PPP1R14A: variants seen among roughly 807,000 people sequenced by gnomAD.
The protein encoded by PPP1R14A is protein phosphatase 1 regulatory inhibitor subunit 14A.
In PPP1R14A, 9 loss-of-function variants were observed where a neutral mutation model predicts 14.1. That is an observed-to-expected ratio of 0.64 (90% CI 0.38 to 1.11). The LOEUF (loss-of-function observed/expected upper bound fraction) is 1.11, where lower values mean the gene tolerates loss of function less well. Among genes scored for constraint, PPP1R14A ranks in the 50% most tolerant of loss-of-function variants. The pLI, the probability that PPP1R14A is intolerant of heterozygous loss-of-function variation, is 0.01. For synonymous variants in PPP1R14A, 93 were observed against 88.7 expected, an observed-to-expected ratio of 1.05 and a Z score of -0.27; for missense variants, 208 against 200.7, an observed-to-expected ratio of 1.04 and a Z score of -0.22.
rs972639773 is a variant in PPP1R14A at position 38,251,930 on chromosome 19, C to T, written c.315+376G>A. ...TGGGAGGGGTTGGGCCGCTCAGCTT[C>T]AGGGCCTGGGAGGATGGAGGGCCCC... On this transcript the variant is annotated intron_variant, in intron 3 of 3. Coordinates refer to ENST00000301242, the MANE Select transcript of PPP1R14A (RefSeq NM_033256.3). 4 of 377,220 alleles carry T rather than the reference C, an allele frequency of 1.1e-5. No homozygotes were observed. In the East Asian group the frequency reaches 1.9e-4, roughly 18 times the overall value. The allele number at this position is 377,220 out of a possible 1,614,324, so 23.4% of individuals were successfully genotyped here.
In PPP1R14A at chr19:38,252,982, C is replaced by CAGGG; in HGVS notation, c.202-12_202-9dup. 6.2e-7 allele frequency: 1 copy of CAGGG among 1,611,356 alleles called. No homozygotes were observed. Among genetic ancestry groups the CAGGG allele is most frequent in the Non-Finnish European group, 8.5e-7 (1 of 1,177,674 alleles). ...ATCGGGCATGTCTGCCTCCTAGGGC[C>CAGGG]AGGGAGGGAGGGGTGCTTAGGATCC... On this transcript the variant is annotated splice_polypyrimidine_tract_variant and intron_variant, in intron 1 of 3. Transcript: ENST00000301242. The surrounding 1 kb of genome is among the most constrained non-coding windows in gnomAD (Gnocchi z 4.1).
At chr19:38,254,896 C>G (rs779043108) in intron 1 of PPP1R14A, among the ~76,000 whole-genome samples, 4 of 151,846 alleles carry the variant, frequency 2.6e-5, no homozygotes, top group Non-Finnish European at 5.9e-5. Flanking sequence ...CGGGTTCAAG[C>G]GATTCTCCTC....
At chr19:38,254,694 G>A (rs902122105) in intron 1 of PPP1R14A, among the ~76,000 whole-genome samples, 2 of 152,230 alleles carry the variant, frequency 1.3e-5, no homozygotes, top group East Asian at 1.9e-4. Context: ...ACCTGTGTGT[G>A]TCAATACATG....
chr19:38,254,296 C>G (rs867384055), intron 1 of PPP1R14A, among the ~76,000 whole-genome samples: 1 of 151,838 alleles, frequency 6.6e-6, no homozygotes, highest in Non-Finnish European at 1.5e-5. Context: ...AGCGAGGCCC[C>G]ATCTCTTTTT....
In PPP1R14A at chr19:38,252,544, A is replaced by G. The variant is rs1485681890; in HGVS notation, c.283-206T>C. Among the ~76,000 whole-genome samples the G allele has an allele frequency of 1.3e-5, 2 of 151,986 alleles. No individual in the cohort carries two copies. The highest frequency in any genetic ancestry group is 2.9e-5 in the Non-Finnish European group (2 of 68,006). Reference sequence around the variant, plus strand: ...GGCAGGGGTGAGTTACTAGATCCAGAGAGGGCGAGAGGGTCACACAGCACT... The same window carrying G: ...GGCAGGGGTGAGTTACTAGATCCAGGGAGGGCGAGAGGGTCACACAGCACT... On this transcript the variant is annotated intron_variant, in intron 2 of 3. Coordinates refer to ENST00000301242, the MANE Select transcript of PPP1R14A (RefSeq NM_033256.3). The surrounding 1 kb of genome is among the most constrained non-coding windows in gnomAD (Gnocchi z 4.1).
Position 38,256,043 on chromosome 19 carries a change from G to T in PPP1R14A, c.201+96C>A. 1 of 1,144,038 alleles carries T rather than the reference G, an allele frequency of 8.7e-7. No homozygotes were observed. The highest frequency in any genetic ancestry group is 1.2e-6 in the Non-Finnish European group (1 of 828,646). 70.9% of individuals were successfully genotyped at this position (1,144,038 alleles called of 1,614,324 possible). A position where few individuals can be genotyped will look rare whatever the true frequency, so the allele number is the denominator to read the frequency against. ...CTCTTGTGCAGACCAGGCTGGCCGT[G>T]CACCAGCGAGTGTGCACCGAGACCC... On this transcript the variant is annotated intron_variant, in intron 1 of 3. Transcript: ENST00000301242. This position sits in a 1 kb window ranked among gnomAD's most constrained non-coding sequence, Gnocchi z 5.7.
At position 38,256,031 on chromosome 19, in the gene PPP1R14A, C is replaced by G. The variant is rs1968243960; in HGVS notation, c.201+108G>C. 3 of 1,042,412 alleles carry G rather than the reference C, an allele frequency of 2.9e-6. No individual in the cohort carries two copies. The highest frequency in any genetic ancestry group is 3.3e-5 in the South Asian group (2 of 60,650). 64.6% of individuals were successfully genotyped at this position (1,042,412 alleles called of 1,614,324 possible). A position where few individuals can be genotyped will look rare whatever the true frequency, so the allele number is the denominator to read the frequency against. ...GGGGCGCTCGTCCTCTTGTGCAGAC[C>G]AGGCTGGCCGTGCACCAGCGAGTGT... On this transcript the variant is annotated intron_variant, in intron 1 of 3. Coordinates refer to ENST00000301242, the MANE Select transcript of PPP1R14A (RefSeq NM_033256.3). This position sits in a 1 kb window ranked among gnomAD's most constrained non-coding sequence, Gnocchi z 5.7.
chr19:38,255,441 G>A (rs1325547411), intron 1 of PPP1R14A, among the ~76,000 whole-genome samples: 1 of 152,208 alleles, frequency 6.6e-6, no homozygotes, highest in Non-Finnish European at 1.5e-5. Flanking sequence ...ATGTCTTTGA[G>A]TGGCTGCGGA....
At chr19:38,255,347 T>C (rs1968235164) in intron 1 of PPP1R14A, among the ~76,000 whole-genome samples, 1 of 152,160 alleles carries the variant, frequency 6.6e-6, no homozygotes, top group Non-Finnish European at 1.5e-5. Context: ...CAGGCTGGTG[T>C]TGAACTCCTG....
At chr19:38,253,539 G>A (rs376068932) in intron 1 of PPP1R14A, among the ~76,000 whole-genome samples, 5 of 152,114 alleles carry the variant, frequency 3.3e-5, no homozygotes, top group Admixed American at 1.3e-4. Flanking sequence ...TGGGTGGGTG[G>A]GATGAGTCAT....
In PPP1R14A at chr19:38,252,824, A is replaced by G; in HGVS notation, c.282+70T>C. ...GGCATCTAGTGAGCACTCAGTAAAC[A>G]CGTGAACTATTGCTATTATTTTTAG... On this transcript the variant is annotated intron_variant, in intron 2 of 3. Coordinates refer to ENST00000301242, the MANE Select transcript of PPP1R14A (RefSeq NM_033256.3). This position sits in a 1 kb window ranked among gnomAD's most constrained non-coding sequence, Gnocchi z 4.1. The G allele has an allele frequency of 8.9e-7, 1 of 1,124,420 alleles. No individual in the cohort carries two copies. The highest frequency in any genetic ancestry group is 1.2e-5 in the South Asian group (1 of 80,932). 69.7% of individuals were successfully genotyped at this position (1,124,420 alleles called of 1,614,324 possible). A position where few individuals can be genotyped will look rare whatever the true frequency, so the allele number is the denominator to read the frequency against.
At position 38,252,420 on chromosome 19, in the gene PPP1R14A, G is replaced by T. The variant is rs1968200746; in HGVS notation, c.283-82C>A. The stretch of plus-strand genomic sequence containing the variant: ...TCCAGCCCCTTCCCTTTCCCAAAAG[G>T]CCCCAGCAGCAAGACAAATGGAAGT... On this transcript the variant is annotated intron_variant, in intron 2 of 3. Transcript: ENST00000301242. This position sits in a 1 kb window ranked among gnomAD's most constrained non-coding sequence, Gnocchi z 4.1. 7.2e-7 allele frequency: 1 copy of T among 1,386,074 alleles called. No homozygotes were observed. The highest frequency in any genetic ancestry group is 1.0e-6 in the Non-Finnish European group (1 of 992,506). 85.9% of individuals were successfully genotyped at this position (1,386,074 alleles called of 1,614,324 possible). A position where few individuals can be genotyped will look rare whatever the true frequency, so the allele number is the denominator to read the frequency against.
Position 38,251,307 on chromosome 19 carries a change from G to A in PPP1R14A, c.*11C>T, listed in dbSNP as rs1159767798. On this transcript the variant is annotated 3_prime_UTR_variant, in exon 4 of 4. Transcript: ENST00000301242. ...GGGCGGCGTCCGGGGGGCAGGGAGA[G>A]TGCAAGAGGGTCAGGGGTGAGCAGT... 3 of 1,475,314 alleles carry A rather than the reference G, an allele frequency of 2.0e-6. No individual in the cohort carries two copies. The African/African-American group carries it at 4.5e-5, about 22-fold the overall frequency. The allele number at this position is 1,475,314 out of a possible 1,614,324, so 91.4% of individuals were successfully genotyped here.
chr19:38,252,171 G>C lies in PPP1R14A; in HGVS notation c.315+135C>G. Reference sequence around the variant, plus strand: ...ACACCCCTGGAGACCAGAAAGAGCTGCGGAGGGCAGGTTGGGGCCGGGGGT... The same window carrying C: ...ACACCCCTGGAGACCAGAAAGAGCTCCGGAGGGCAGGTTGGGGCCGGGGGT... On this transcript the variant is annotated intron_variant, in intron 3 of 3. Coordinates refer to ENST00000301242, the MANE Select transcript of PPP1R14A (RefSeq NM_033256.3). This position sits in a 1 kb window ranked among gnomAD's most constrained non-coding sequence, Gnocchi z 4.1. 1 of 761,108 alleles carries C rather than the reference G, an allele frequency of 1.3e-6. No homozygotes were observed. Among genetic ancestry groups the C allele is most frequent in the Non-Finnish European group, 2.2e-6 (1 of 447,090 alleles). 47.1% of individuals were successfully genotyped at this position (761,108 alleles called of 1,614,324 possible).
At chr19:38,254,903 C>T (rs2146256656) in intron 1 of PPP1R14A, among the ~76,000 whole-genome samples, 1 of 152,132 alleles carries the variant, frequency 6.6e-6, no homozygotes, top group East Asian at 1.9e-4. Context: ...AAGCGATTCT[C>T]CTCCCGAGTA....
In PPP1R14A at chr19:38,255,207, T is replaced by C. The variant is rs1392737776; in HGVS notation, c.201+932A>G. On this transcript the variant is annotated intron_variant, in intron 1 of 3. Coordinates refer to ENST00000301242, the MANE Select transcript of PPP1R14A (RefSeq NM_033256.3). ...GGTGCAATCTTGGCTCACTGTGACC[T>C]TGGCCTCTCAGGCTCAAGCAATCCT... 1.6e-4 allele frequency among the ~76,000 whole-genome samples: 25 copies of C among 152,172 alleles called. 1 individual carries two copies. The highest frequency in any genetic ancestry group is 1.6e-3 in the Admixed American group (24 of 15,276).
At chr19:38,254,397 C>A (rs1044312636) in intron 1 of PPP1R14A, among the ~76,000 whole-genome samples, 1 of 152,128 alleles carries the variant, frequency 6.6e-6, no homozygotes, top group Non-Finnish European at 1.5e-5. Flanking sequence ...CTCCGCCTCC[C>A]GGGTTCAAGT....
chr19:38,251,531 GCCT>G (rs1968190235), intron 3 of PPP1R14A, 85 bp from the exon 4 acceptor site: 1 of 1,294,002 alleles, frequency 7.7e-7, no homozygotes, highest in Non-Finnish European at 1.0e-6. Flanking sequence ...TGACCTGGGC[GCCT>G]CCTCCTGTTC....
Position 38,256,332 on chromosome 19 carries a change from G to A in PPP1R14A, c.8C>T (p.Ala3Val), listed in dbSNP as rs1472053837. Reference sequence around the variant, plus strand: ...CAGCACGCGCTTGCCCAGCCGCTGAGCTGCCATCGCGCTGCTGGACCCAGC... The same window carrying A: ...CAGCACGCGCTTGCCCAGCCGCTGAACTGCCATCGCGCTGCTGGACCCAGC... MA[A>V]QRLGKRVLSK... is the part of the protein sequence containing the mutation. The change falls in exon 1 of 4, where the codon GCT (alanine) becomes GTT (valine). Residue 3 changes from alanine to valine, a missense_variant. Physicochemically the swap from Ala to Val is moderately conservative, Grantham distance 64. Coordinates refer to ENST00000301242, the MANE Select transcript of PPP1R14A (RefSeq NM_033256.3). This position sits in a 1 kb window ranked among gnomAD's most constrained non-coding sequence, Gnocchi z 5.7. 8 of 1,492,858 alleles carry A rather than the reference G, an allele frequency of 5.4e-6. No homozygotes were observed. In the South Asian group the frequency reaches 1.0e-4, roughly 19 times the overall value. The allele number at this position is 1,492,858 out of a possible 1,614,324, so 92.5% of individuals were successfully genotyped here. A position where few individuals can be genotyped will look rare whatever the true frequency, so the allele number is the denominator to read the frequency against.
Sources: allele counts gnomAD v4.1 joint callset (sites outside exome capture counted in the v4.1 genomes callset), GRCh38; gene constraint gnomAD v4.1.1; non-coding constraint Gnocchi (gnomAD v3.1); transcripts MANE v1.5; gene names NCBI Gene and HGNC (gene_info 2026-07-23, HGNC 2026-07-21).